IKZF3: variants seen among roughly 807,000 people sequenced by gnomAD.
The protein encoded by IKZF3 is IKAROS family zinc finger 3, also known as zinc finger protein Aiolos.
IKZF3 carries 10 observed loss-of-function variants against 49.0 expected under a neutral mutation model. The ratio of observed to expected loss-of-function variants is 0.20; its 90% CI spans 0.13 to 0.35. The LOEUF is 0.35. IKZF3 is among the 10% of genes least tolerant of loss of function. IKZF3 has a pLI of 1.00. For missense variants in IKZF3, 498 were observed against 664.8 expected (o/e 0.75, Z 2.76); for synonymous variants, 209 against 228.2 (o/e 0.92, Z 0.76).
At chr17:39,784,166 A>G (rs1410420228) in intron 6 of IKZF3, among the ~76,000 whole-genome samples, 1 of 152,222 alleles carries the variant, frequency 6.6e-6, no homozygotes, top group East Asian at 1.9e-4. Flanking sequence ...TCATTGTTAC[A>G]TAAAATATTT....
intron 3 of IKZF3, among the ~76,000 whole-genome samples, chr17:39,811,065 C>T (rs1161331998): frequency 6.6e-6 from 1 of 151,890 alleles, no homozygotes; most frequent in Non-Finnish European, 1.5e-5. Flanking sequence ...CACAGTGAGA[C>T]CCCTCTACAA....
chr17:39,820,734 C>T (rs1038335800), intron 3 of IKZF3, among the ~76,000 whole-genome samples: 4 of 152,120 alleles, frequency 2.6e-5, no homozygotes, highest in South Asian at 2.1e-4. Context: ...ATTATGCTAA[C>T]GAGGTAGCTG....
intron 7 of IKZF3, among the ~76,000 whole-genome samples, chr17:39,775,968 T>C (rs9894898): frequency 0.057 from 8,701 of 152,020 alleles, 383 homozygotes; most frequent in African/African-American, 0.12. Flanking sequence ...GAAGTCGCTT[T>C]ACATTTTTTT....
chr17:39,794,708 G>A (rs1451495741), intron 3 of IKZF3, among the ~76,000 whole-genome samples: 1 of 152,180 alleles, frequency 6.6e-6, no homozygotes, highest in Non-Finnish European at 1.5e-5. Context: ...TATAAGAAAT[G>A]ATATCTGTTT....
intron 4 of IKZF3, 64 bp downstream of exon 4, chr17:39,792,609 C>T: frequency 1.3e-6 from 2 of 1,532,540 alleles, no homozygotes; most frequent in Non-Finnish European, 1.8e-6. Flanking sequence ...AATTCCACCA[C>T]TTCATTTCTC....
At chr17:39,822,703 C>T (rs1383913157) in intron 3 of IKZF3, among the ~76,000 whole-genome samples, 1 of 151,844 alleles carries the variant, frequency 6.6e-6, no homozygotes, top group Non-Finnish European at 1.5e-5. Context: ...CTGCCTCAGC[C>T]TCCTGAGTAG....
intron 1 of IKZF3, among the ~76,000 whole-genome samples, chr17:39,845,681 T>C (rs1471799346): frequency 2.0e-5 from 3 of 152,196 alleles, no homozygotes; most frequent in East Asian, 3.8e-4. Context: ...TATCTGGTCC[T>C]TTACAGAAAA....
At chr17:39,832,884 C>T (rs1329082210) in intron 1 of IKZF3, among the ~76,000 whole-genome samples, 1 of 151,992 alleles carries the variant, frequency 6.6e-6, no homozygotes, top group Non-Finnish European at 1.5e-5. Flanking sequence ...TGAATTGTTT[C>T]CAACACATAG....
At chr17:39,851,831 C>T (rs1354178901) in intron 1 of IKZF3, among the ~76,000 whole-genome samples, 1 of 152,106 alleles carries the variant, frequency 6.6e-6, no homozygotes, top group Admixed American at 6.6e-5. Flanking sequence ...TGAATACTCA[C>T]ACATCTCCAA....
intron 3 of IKZF3, among the ~76,000 whole-genome samples, chr17:39,801,314 G>C (rs16965347): frequency 0.028 from 4,044 of 145,376 alleles, 86 homozygotes; most frequent in South Asian, 0.11. Context: ...GAGATAATGA[G>C]GCCCTAATGC....
Position 39,765,619 on chromosome 17 carries a change from A to C in IKZF3, c.*171T>G. On this transcript the variant is annotated 3_prime_UTR_variant, in exon 8 of 8. Coordinates refer to ENST00000346872, the MANE Select transcript of IKZF3 (RefSeq NM_012481.5). ...AAGTAATAATATGCTAGACCTGCGA[A>C]TAATTTCTGAAGGAAGACAGTGTTT... is the stretch of plus-strand genomic sequence containing the variant. The C allele has an allele frequency of 1.8e-6, 1 of 559,766 alleles. No homozygotes were observed. The highest frequency in any genetic ancestry group is 2.8e-5 in the East Asian group (1 of 35,204). The allele number at this position is 559,766 out of a possible 1,614,324, so 34.7% of individuals were successfully genotyped here. A position where few individuals can be genotyped will look rare whatever the true frequency, so the allele number is the denominator to read the frequency against.
chr17:39,768,067 A>C (rs1271411312), intron 7 of IKZF3, among the ~76,000 whole-genome samples: 1 of 152,108 alleles, frequency 6.6e-6, no homozygotes, highest in African/African-American at 2.4e-5. Flanking sequence ...AAAAAGTTGT[A>C]AAAGGACTGC....
At chr17:39,781,659 G>A (rs1176140449) in intron 6 of IKZF3, among the ~76,000 whole-genome samples, 1 of 152,168 alleles carries the variant, frequency 6.6e-6, no homozygotes, top group Non-Finnish European at 1.5e-5. Context: ...AAAACAAGCA[G>A]CTTTCTGAGG....
At chr17:39,844,482 G>C (rs1179841524) in intron 1 of IKZF3, among the ~76,000 whole-genome samples, 2 of 152,054 alleles carry the variant, frequency 1.3e-5, no homozygotes, top group Non-Finnish European at 2.9e-5. Context: ...CTGCTTAAAA[G>C]TCACCTATTC....
intron 1 of IKZF3, among the ~76,000 whole-genome samples, chr17:39,853,867 C>T (rs931749315): frequency 2.0e-5 from 3 of 151,198 alleles, no homozygotes; most frequent in African/African-American, 2.4e-5. Context: ...CGGTGGCTCA[C>T]GCCTGTAATC....
Position 39,762,891 on chromosome 17 carries a change from CAAAAG to C in IKZF3, c.*2894_*2898del, listed in dbSNP as rs991613894. The C allele has an allele frequency of 1.3e-5, 2 of 152,108 alleles. No individual in the cohort carries two copies. Among genetic ancestry groups the C allele is most frequent in the African/African-American group, 4.8e-5 (2 of 41,428 alleles). The allele number at this position is 152,108 out of a possible 1,614,324, so 9.4% of individuals were successfully genotyped here. ...AACAGAGCGAGAGACTGTCTCAAAA[CAAAAG>C]AAAACAAAAAAAGTTGGTCTCCTCT... On this transcript the variant is annotated 3_prime_UTR_variant, in exon 8 of 8. Transcript: ENST00000346872.
At chr17:39,791,320 C>T in intron 5 of IKZF3, 96 bp downstream of exon 5, 2 of 1,297,830 alleles carry the variant, frequency 1.5e-6, no homozygotes, top group South Asian at 1.3e-5. Flanking sequence ...ACAAGAATGA[C>T]AGATTGAAAC....
chr17:39,766,742 T>A (rs187398558), intron 7 of IKZF3, among the ~76,000 whole-genome samples: 2 of 151,990 alleles, frequency 1.3e-5, no homozygotes, highest in East Asian at 3.9e-4. Flanking sequence ...TGAGGCCACA[T>A]GGTAAGGTAT....
chr17:39,813,493 AATTAGCC>A, intron 3 of IKZF3, among the ~76,000 whole-genome samples: 1 of 151,954 alleles, frequency 6.6e-6, no homozygotes, highest in East Asian at 1.9e-4. Flanking sequence ...GAAAAAAAAA[AATTAGCC>A]ATGCATGGTG....
Sources: gnomAD v4.1 joint callset for allele counts (sites outside exome capture counted in the v4.1 genomes callset) on GRCh38, gnomAD v4.1.1 for gene constraint, MANE v1.5 for transcripts, NCBI Gene and HGNC (gene_info 2026-07-23, HGNC 2026-07-21) for gene names.